Variants in GRIK2 observed in about 807,000 individuals in gnomAD.
GRIK2 encodes glutamate receptor ionotropic, kainate 2.
In GRIK2, 32 loss-of-function variants were observed where a neutral mutation model predicts 100.3. The observed-to-expected ratio is 0.32, with a 90% CI of 0.24 to 0.43. The LOEUF (loss-of-function observed/expected upper bound fraction) is 0.43. Ranked by LOEUF, GRIK2 falls within the 20% of genes least tolerant of loss-of-function variation. The pLI is 1.00. For synonymous variants in GRIK2, 417 were observed against 389.4 expected (o/e 1.07, Z -0.83); for missense variants, 843 against 1,114.9 (o/e 0.76, Z 3.47).
chr6:102,001,646 A>C (rs894314832), intron 14 of GRIK2, among the ~76,000 whole-genome samples: 1 of 151,984 alleles, frequency 6.6e-6, no homozygotes, highest in Non-Finnish European at 1.5e-5. Flanking sequence ...TTGCCATTGA[A>C]TACTTAAGTG....
intron 14 of GRIK2, among the ~76,000 whole-genome samples, chr6:101,938,923 C>T (rs1790780676): frequency 6.6e-6 from 1 of 151,940 alleles, no homozygotes; most frequent in African/African-American, 2.4e-5. Context: ...ATTGTATACA[C>T]CATAGCACAA....
At chr6:101,930,645 T>C (rs1295604425) in intron 14 of GRIK2, among the ~76,000 whole-genome samples, 1 of 152,080 alleles carries the variant, frequency 6.6e-6, no homozygotes, top group Admixed American at 6.6e-5. Flanking sequence ...AGTTCATTTT[T>C]GAAAAATCAG....
At chr6:101,985,601 A>G (rs1793975855) in intron 14 of GRIK2, among the ~76,000 whole-genome samples, 1 of 151,806 alleles carries the variant, frequency 6.6e-6, no homozygotes, top group Admixed American at 6.6e-5. Context: ...CATCCTTACC[A>G]GACAAACTCT....
chr6:101,793,568 G>A (rs1243292538), intron 7 of GRIK2, among the ~76,000 whole-genome samples: 1 of 152,142 alleles, frequency 6.6e-6, no homozygotes, highest in African/African-American at 2.4e-5. Context: ...TCCTCTGGAA[G>A]TTTTGTCTCA....
intron 14 of GRIK2, among the ~76,000 whole-genome samples, chr6:101,955,987 T>C (rs2128480736): frequency 6.6e-6 from 1 of 152,202 alleles, no homozygotes; most frequent in African/African-American, 2.4e-5. Flanking sequence ...GAAGGTTAGG[T>C]CATTGATATG....
chr6:101,955,691 T>G (rs1791891143), intron 14 of GRIK2, among the ~76,000 whole-genome samples: 1 of 151,820 alleles, frequency 6.6e-6, no homozygotes, highest in African/African-American at 2.4e-5. Flanking sequence ...CTATATTGTC[T>G]AATTTGTGGC....
chr6:101,722,438 A>C (rs1204482750), intron 7 of GRIK2, among the ~76,000 whole-genome samples: 4 of 152,092 alleles, frequency 2.6e-5, no homozygotes, highest in African/African-American at 9.6e-5. Flanking sequence ...TACATGATCT[A>C]ATTGTGTTTA....
intron 10 of GRIK2, among the ~76,000 whole-genome samples, chr6:101,844,626 C>T (rs1218672907): frequency 1.3e-5 from 2 of 152,078 alleles, no homozygotes; most frequent in Admixed American, 6.6e-5. Flanking sequence ...CATACATTTT[C>T]CATTATATGA....
intron 14 of GRIK2, among the ~76,000 whole-genome samples, chr6:101,948,851 CA>C (rs1176559440): frequency 6.6e-6 from 1 of 152,006 alleles, no homozygotes; most frequent in Non-Finnish European, 1.5e-5. Context: ...AAACAGATAT[CA>C]AATTGCCAAT....
At chr6:101,481,487 T>C (rs1336407098) in intron 2 of GRIK2, among the ~76,000 whole-genome samples, 1 of 152,192 alleles carries the variant, frequency 6.6e-6, no homozygotes, top group Non-Finnish European at 1.5e-5. Context: ...TAAGACAGCA[T>C]TAACAAAACT....
chr6:102,014,092 A>G (rs1328468140), intron 14 of GRIK2, among the ~76,000 whole-genome samples: 1 of 82,092 alleles, frequency 1.2e-5, no homozygotes, highest in East Asian at 4.4e-4. Flanking sequence ...GCTACTTATT[A>G]CTGATTAAAT....
chr6:101,621,213 G>A (rs1414321746), intron 2 of GRIK2, among the ~76,000 whole-genome samples: 3 of 152,190 alleles, frequency 2.0e-5, no homozygotes, highest in Non-Finnish European at 4.4e-5. Context: ...AACAATTTGG[G>A]AGGCCAAGGC....
intron 15 of GRIK2, among the ~76,000 whole-genome samples, chr6:102,050,296 A>C (rs1158787762): frequency 1.3e-5 from 2 of 151,532 alleles, no homozygotes; most frequent in East Asian, 3.9e-4. Flanking sequence ...AGAATGATAG[A>C]GGGGGAAGGG....
intron 4 of GRIK2, among the ~76,000 whole-genome samples, chr6:101,674,985 G>A (rs183263911): frequency 4.8e-4 from 73 of 152,106 alleles, no homozygotes; most frequent in Admixed American, 4.7e-3. Flanking sequence ...AGAGTAATTA[G>A]CATATCCATT....
At chr6:101,668,714 A>G (rs967009604) in intron 4 of GRIK2, among the ~76,000 whole-genome samples, 1 of 152,178 alleles carries the variant, frequency 6.6e-6, no homozygotes, top group Non-Finnish European at 1.5e-5. Context: ...GCCAGGTGGC[A>G]AATCACTAGT....
At chr6:101,393,944 A>T (rs1774901619) in intron 1 of GRIK2, among the ~76,000 whole-genome samples, 107 bp downstream of exon 1, 1 of 152,148 alleles carries the variant, frequency 6.6e-6, no homozygotes, top group Admixed American at 6.5e-5. Context: ...TTCCACCTGG[A>T]GAGAAGGAAG....
At chr6:101,589,734 C>T (rs1778551272) in intron 2 of GRIK2, among the ~76,000 whole-genome samples, 1 of 151,992 alleles carries the variant, frequency 6.6e-6, no homozygotes, top group Non-Finnish European at 1.5e-5. Flanking sequence ...TTTACTAGCT[C>T]ATGACTGAGA....
chr6:101,579,547 C>A (rs1777963460), intron 2 of GRIK2, among the ~76,000 whole-genome samples: 1 of 149,834 alleles, frequency 6.7e-6, no homozygotes. Context: ...GTCTATCTTT[C>A]TAACAGTTTA....
chr6:101,787,052 T>G (rs1413371603), intron 7 of GRIK2, among the ~76,000 whole-genome samples: 1 of 152,088 alleles, frequency 6.6e-6, no homozygotes, highest in Non-Finnish European at 1.5e-5. Context: ...GGTAGTAGGT[T>G]GTATGTGTCT....
Sources: gnomAD v4.1 joint callset for allele counts (sites outside exome capture counted in the v4.1 genomes callset) on GRCh38, gnomAD v4.1.1 for gene constraint, MANE v1.5 for transcripts, NCBI Gene and HGNC (gene_info 2026-07-23, HGNC 2026-07-21) for gene names.